CYP7A1: variants seen among roughly 807,000 people sequenced by gnomAD.
CYP7A1 encodes cytochrome P450 7A1.
Under a neutral mutation model 43.8 loss-of-function variants are expected in CYP7A1, and 28 were observed. That is an observed-to-expected ratio of 0.64 (90% CI 0.47 to 0.88). The LOEUF (loss-of-function observed/expected upper bound fraction) is 0.88. Ranked by LOEUF, CYP7A1 falls within the 40% of genes least tolerant of loss-of-function variation. The pLI is 0.00. For synonymous variants in CYP7A1, 227 were observed against 222.5 expected (o/e 1.02, Z -0.18); for missense variants, 637 against 611.9 (o/e 1.04, Z -0.43).
intron 2 of CYP7A1, among the ~76,000 whole-genome samples, chr8:58,497,766 G>T (rs941394187): frequency 3.9e-5 from 6 of 151,914 alleles, no homozygotes; most frequent in African/African-American, 1.2e-4. Context: ...GTAGTTATTG[G>T]TTTTTTTTCT....
chr8:58,492,890 G>A (rs562552322), intron 4 of CYP7A1, among the ~76,000 whole-genome samples: 97 of 152,112 alleles, frequency 6.4e-4, no homozygotes, highest in African/African-American at 2.0e-3. Flanking sequence ...TCAACCTCTC[G>A]AGTAGCTGCG....
rs754627598 is a variant in CYP7A1 at position 58,496,819 on chromosome 8, C to T, written c.693G>A (p.Ala231=). The T allele has an allele frequency of 6.8e-6, 11 of 1,614,162 alleles. No homozygotes were observed. The highest frequency in any genetic ancestry group is 3.3e-5 in the South Asian group (3 of 91,078). ...AGLPIHMFRT[A]HNAREKLAES... ...CTGCCAGTTTCTCCCGGGCATTGTG[C>T]GCAGTCCTGAACATGTGAATGGGGA... The change falls in exon 3 of 6, where the codon GCG becomes GCA. Residue 231 remains alanine, a synonymous_variant. Transcript: ENST00000301645.
At position 58,500,005 on chromosome 8, in the gene CYP7A1, A is replaced by G. The variant is rs1482884344; in HGVS notation, c.80+14T>C. ...ATGAATCAAAGAGCAATTTAAAGAT[A>G]AAACATTACTTACCTTCTCCTAATT... On this transcript the variant is annotated intron_variant, in intron 1 of 5. Transcript: ENST00000301645. 2 of 1,601,216 alleles carry G rather than the reference A, an allele frequency of 1.2e-6. No homozygotes were observed. The highest frequency in any genetic ancestry group is 2.7e-5 in the African/African-American group (2 of 74,652).
chr8:58,495,475 G>A (rs571575311), intron 3 of CYP7A1, among the ~76,000 whole-genome samples: 1 of 152,032 alleles, frequency 6.6e-6, no homozygotes, highest in Non-Finnish European at 1.5e-5. Flanking sequence ...TGATCCGCCC[G>A]CCTCGGCCTC....
chr8:58,496,834 G>C lies in CYP7A1; in HGVS notation c.678C>G (p.His226Gln), dbSNP rs911358597. Residue 226 changes from histidine (H) to glutamine (Q), a missense_variant, in exon 3 of 6, where the codon CAC becomes CAG. Transcript: ENST00000301645. ...FPALVAGLPI[H>Q]MFRTAHNARE... is the part of the protein sequence containing the mutation. ...GGGCATTGTGCGCAGTCCTGAACAT[G>C]TGAATGGGGAGGCCTGCTACCAGGG... 1 of 1,614,092 alleles carries C rather than the reference G, an allele frequency of 6.2e-7. No individual in the cohort carries two copies. The highest frequency in any genetic ancestry group is 8.5e-7 in the Non-Finnish European group (1 of 1,180,036).
chr8:58,494,874 G>A (rs1459408960), intron 3 of CYP7A1, among the ~76,000 whole-genome samples: 3 of 152,056 alleles, frequency 2.0e-5, no homozygotes, highest in African/African-American at 4.8e-5. Flanking sequence ...GGTGGCACAC[G>A]CCTGTAATCC....
At chr8:58,499,663 TG>T (rs1809500596) in intron 1 of CYP7A1, among the ~76,000 whole-genome samples, 1 of 152,162 alleles carries the variant, frequency 6.6e-6, no homozygotes, top group African/African-American at 2.4e-5. Flanking sequence ...TCCTTTCCAT[TG>T]TAGATTCCCA....
chr8:58,491,447 C>A lies in CYP7A1; in HGVS notation c.*28G>T. 1 of 1,601,510 alleles carries A rather than the reference C, an allele frequency of 6.2e-7. No individual in the cohort carries two copies. The highest frequency in any genetic ancestry group is 8.6e-7 in the Non-Finnish European group (1 of 1,169,560). The stretch of plus-strand genomic sequence containing the variant: ...GTGTTCTGCAGTCCTGTAATATCAT[C>A]TAGTGTCCTCTTATTCCAGCCATGT... On this transcript the variant is annotated 3_prime_UTR_variant, in exon 6 of 6. Transcript: ENST00000301645.
rs1809354772 is a variant in CYP7A1 at position 58,491,722 on chromosome 8, A to C, written c.1268T>G (p.Phe423Cys). Residue 423 changes from phenylalanine to cysteine, a missense_variant, in exon 6 of 6, where the codon TTC (phenylalanine) becomes TGC (cysteine). By Grantham distance (205) the Phe-to-Cys change is radical. Transcript: ENST00000301645. ...CTTTAACTTGAGTCCATTACAATAG[A>C]AGGTAGTCTTTGTCTTCCCGTTTTC... is the stretch of plus-strand genomic sequence containing the variant. The part of the protein sequence containing the change: ...LDENGKTKTT[F>C]YCNGLKLKYY... 2 of 1,613,274 alleles carry C rather than the reference A, an allele frequency of 1.2e-6. No individual in the cohort carries two copies. Among genetic ancestry groups the C allele is most frequent in the Non-Finnish European group, 1.7e-6 (2 of 1,179,306 alleles).
intron 2 of CYP7A1, 152 bp downstream of exon 2, chr8:58,498,077 T>A (rs1333609884): frequency 3.5e-6 from 3 of 845,276 alleles, no homozygotes; most frequent in Non-Finnish European, 5.4e-6. Context: ...AAGCTACGTA[T>A]AATTTATTTA....
At chr8:58,499,793 A>G (rs959889371) in intron 1 of CYP7A1, among the ~76,000 whole-genome samples, 1 of 152,176 alleles carries the variant, frequency 6.6e-6, no homozygotes, top group Non-Finnish European at 1.5e-5. Context: ...TTTATATATT[A>G]CCATCGGTAT....
In CYP7A1 at chr8:58,491,375, T is replaced by A; in HGVS notation, c.*100A>T. On this transcript the variant is annotated 3_prime_UTR_variant, in exon 6 of 6. Coordinates refer to ENST00000301645, the MANE Select transcript of CYP7A1 (RefSeq NM_000780.4). Reference sequence around the variant, plus strand: ...AACAACATTGGACCTGGTGAATCATTTCTACCACCACTAAATGCATTTGTC... The same window carrying A: ...AACAACATTGGACCTGGTGAATCATATCTACCACCACTAAATGCATTTGTC... 3 of 1,139,194 alleles carry A rather than the reference T, an allele frequency of 2.6e-6. No homozygotes were observed. In the East Asian group the frequency reaches 7.5e-5, roughly 28 times the overall value. The allele number at this position is 1,139,194 out of a possible 1,614,324, so 70.6% of individuals were successfully genotyped here.
rs1369817379 is a variant in CYP7A1 at position 58,497,179 on chromosome 8, G to C, written c.333C>G (p.His111Gln). 1.3e-6 allele frequency: 2 copies of C among 1,598,942 alleles called. No homozygotes were observed. The highest frequency in any genetic ancestry group is 2.2e-5 in the South Asian group (2 of 91,054). Residue 111 changes from histidine (H) to glutamine (Q), a missense_variant, in exon 3 of 6, where the codon CAC (histidine) becomes CAG (glutamine). By Grantham distance (24) the His-to-Gln change is conservative. Transcript: ENST00000301645. The stretch of plus-strand genomic sequence containing the variant: ...TTCCATCCATCGGGTCAATGCTTCT[G>C]TGCCCAAATGCCTGATAGCAAATAA... ...HFATSAKAFG[H>Q]RSIDPMDGNT...
At position 58,498,232 on chromosome 8, in the gene CYP7A1, C is replaced by T. The variant is rs200839929; in HGVS notation, c.318G>A (p.Ala106=). 19 of 1,613,890 alleles carry T rather than the reference C, an allele frequency of 1.2e-5. No homozygotes were observed. Among genetic ancestry groups the T allele is most frequent in the Middle Eastern group, 1.6e-4 (1 of 6,076 alleles). The change falls in exon 2 of 6, where the codon GCG becomes GCA. Residue 106 remains alanine, a synonymous_variant. Transcript: ENST00000301645. ...DWKKFHFATS[A]KAFGHRSIDP... is the part of the protein sequence containing the mutation. ...ATATAAATGTAAAACTGCTTACCTT[C>T]GCAGAAGTAGCAAAGTGAAATTTTT...
Position 58,491,382 on chromosome 8 carries a change from A to G in CYP7A1, c.*93T>C, listed in dbSNP as rs2129605765. 1 of 1,174,446 alleles carries G rather than the reference A, an allele frequency of 8.5e-7. No individual in the cohort carries two copies. Among genetic ancestry groups the G allele is most frequent in the Non-Finnish European group, 1.2e-6 (1 of 805,566 alleles). The allele number at this position is 1,174,446 out of a possible 1,614,324, so 72.8% of individuals were successfully genotyped here. On this transcript the variant is annotated 3_prime_UTR_variant, in exon 6 of 6. Transcript: ENST00000301645. ...TTGGACCTGGTGAATCATTTCTACC[A>G]CCACTAAATGCATTTGTCCAAAGGG...
intron 5 of CYP7A1, 50 bp downstream of exon 5, chr8:58,492,303 A>G (rs1184833197): frequency 7.3e-7 from 1 of 1,367,648 alleles, no homozygotes; most frequent in Non-Finnish European, 1.0e-6. Flanking sequence ...CTTTATTTAG[A>G]TCTAGGTAGC....
intron 3 of CYP7A1, 57 bp from the exon 4 acceptor site, chr8:58,494,693 T>C (rs1809411337): frequency 6.4e-7 from 1 of 1,556,166 alleles, no homozygotes; most frequent in Non-Finnish European, 8.8e-7. Flanking sequence ...TTCCATACTT[T>C]GAGATCTGCA....
chr8:58,494,370 G>A (rs1160115543), intron 4 of CYP7A1, 136 bp downstream of exon 4: 55 of 920,458 alleles, frequency 6.0e-5, no homozygotes, highest in Non-Finnish European at 9.0e-5. Context: ...GGACAGTTGT[G>A]AGGATTAACC....
rs1272194471 is a variant in CYP7A1 at position 58,492,522 on chromosome 8, A to T, written c.1046T>A (p.Ile349Lys). The T allele has an allele frequency of 1.2e-6, 2 of 1,612,352 alleles. No homozygotes were observed. Among genetic ancestry groups the T allele is most frequent in the East Asian group, 2.2e-5 (1 of 44,876 alleles). ...ELNDLPVLDSIIKESLRLSSA... is the reference protein window; with the variant it reads ...ELNDLPVLDSKIKESLRLSSA... The stretch of plus-strand genomic sequence containing the variant: ...GGAAAGCCTCAGCGATTCCTTGATT[A>T]TACTATCTAAACATTTTAAAAGAAA... Residue 349 changes from isoleucine to lysine, a missense_variant, in exon 5 of 6, where the codon ATA becomes AAA. Physicochemically the swap from Ile to Lys is moderately radical, Grantham distance 102. Transcript: ENST00000301645.
Sources: gnomAD v4.1 joint callset for allele counts (sites outside exome capture counted in the v4.1 genomes callset) on GRCh38, gnomAD v4.1.1 for gene constraint, MANE v1.5 for transcripts, NCBI Gene and HGNC (gene_info 2026-07-23, HGNC 2026-07-21) for gene names.